PRDM10: variants seen among roughly 807,000 people sequenced by gnomAD.
PRDM10 encodes PR/SET domain 10, also known as PR domain zinc finger protein 10.
A neutral mutation model predicts 133.1 loss-of-function variants in PRDM10; 65 were observed. The ratio of observed to expected loss-of-function variants is 0.49; its 90% CI spans 0.40 to 0.60. The LOEUF (loss-of-function observed/expected upper bound fraction) is 0.60, where lower values mean the gene tolerates loss of function less well. PRDM10 is among the 20% of genes least tolerant of loss of function. PRDM10 has a pLI of 0.00. For missense variants in PRDM10, 1,137 were observed against 1,507.1 expected (o/e 0.75, Z 4.07); for synonymous variants, 582 against 580.4 (o/e 1.00, Z -0.04).
At chr11:129,959,925 C>CTTTTTT (rs112833018) in intron 2 of PRDM10, among the ~76,000 whole-genome samples, 1 of 138,322 alleles carries the variant, frequency 7.2e-6, no homozygotes. Context: ...GCTAATTTTT[C>CTTTTTT]TTTTTTTTTT....
At chr11:129,971,825 T>A (rs987134821) in intron 1 of PRDM10, among the ~76,000 whole-genome samples, 1 of 152,222 alleles carries the variant, frequency 6.6e-6, no homozygotes, top group Non-Finnish European at 1.5e-5. Context: ...TCCCGTGCCG[T>A]GCGCTCGCAT....
intron 14 of PRDM10, among the ~76,000 whole-genome samples, chr11:129,917,629 C>A (rs1950398321): frequency 6.6e-6 from 1 of 152,224 alleles, no homozygotes. Flanking sequence ...GAATGAGATA[C>A]AGACTAAGGT....
chr11:129,995,828 C>G (rs1484864490), intron 1 of PRDM10, among the ~76,000 whole-genome samples: 2 of 152,062 alleles, frequency 1.3e-5, no homozygotes, highest in Non-Finnish European at 2.9e-5. Flanking sequence ...CTCCTGTAAT[C>G]CCAGCTACTT....
At chr11:129,985,440 C>T (rs1938358022) in intron 1 of PRDM10, among the ~76,000 whole-genome samples, 1 of 151,974 alleles carries the variant, frequency 6.6e-6, no homozygotes, top group Non-Finnish European at 1.5e-5. Flanking sequence ...TCAGCTGCTC[C>T]CAAGCCACAC....
chr11:129,941,440 T>A lies in PRDM10; in HGVS notation c.966+986A>T, dbSNP rs114727112. ...AAGTCGGCACATAGGATCCTTTGAG[T>A]AAAACATTCATACAAAGAAAAAAAT... On this transcript the variant is annotated intron_variant, in intron 7 of 20. Coordinates refer to ENST00000360871, the MANE Select transcript of PRDM10 (RefSeq NM_199437.2). Among the ~76,000 whole-genome samples the A allele has an allele frequency of 8.6e-3, 1,311 of 152,276 alleles. 15 individuals are homozygous for A. Among genetic ancestry groups the A allele is most frequent in the African/African-American group, 0.03 (1,226 of 41,536 alleles).
chr11:129,973,588 C>T (rs1031182559), intron 1 of PRDM10, among the ~76,000 whole-genome samples: 2 of 152,020 alleles, frequency 1.3e-5, no homozygotes, highest in East Asian at 1.9e-4. Flanking sequence ...AAATAAATTA[C>T]GCTGAAATAA....
Position 129,941,104 on chromosome 11 carries a change from G to C in PRDM10, c.966+1322C>G, listed in dbSNP as rs767873730. ...TGATGGTTTCAAAAACAGAGGTTCT[G>C]CATACCTTTTGAACAAAATCCAGGA... On this transcript the variant is annotated intron_variant, in intron 7 of 20. Coordinates refer to ENST00000360871, the MANE Select transcript of PRDM10 (RefSeq NM_199437.2). Among the ~76,000 whole-genome samples the C allele has an allele frequency of 2.5e-4, 38 of 152,098 alleles. 1 individual carries two copies. Among genetic ancestry groups the C allele is most frequent in the Non-Finnish European group, 1.3e-4 (9 of 68,024 alleles).
chr11:129,912,595 CA>C lies in PRDM10; in HGVS notation c.2842-371del, dbSNP rs546651851. 4.4e-3 allele frequency among the ~76,000 whole-genome samples: 667 copies of C among 151,708 alleles called. 5 individuals carry two copies. The highest frequency in any genetic ancestry group is 0.015 in the African/African-American group (634 of 41,356). On this transcript the variant is annotated intron_variant, in intron 17 of 20. Transcript: ENST00000360871. ...TGAAACCCCGTCTCTACTGAAAATA[CA>C]AAAAAATTAGCTGGGTGTGGCGGCA...
At chr11:129,973,570 T>A (rs1289664305) in intron 1 of PRDM10, among the ~76,000 whole-genome samples, 1 of 152,220 alleles carries the variant, frequency 6.6e-6, no homozygotes, top group African/African-American at 2.4e-5. Flanking sequence ...TTACTCATAA[T>A]TAAATTGAAA....
Position 129,965,563 on chromosome 11 carries a change from G to T in PRDM10, c.-118-4481C>A, listed in dbSNP as rs77333419. On this transcript the variant is annotated intron_variant, in intron 1 of 20. Transcript: ENST00000360871. ...GCTATACCTTGTCTAGAAAACAGCA[G>T]CCATCTTCTGTCCTTTTCCCCCTGT... is the stretch of plus-strand genomic sequence containing the variant. Among the ~76,000 whole-genome samples the T allele has an allele frequency of 6.1e-3, 931 of 152,176 alleles. 9 individuals are homozygous for T. The highest frequency in any genetic ancestry group is 0.021 in the African/African-American group (865 of 41,546).
rs1950628486 is a variant in PRDM10 at position 129,924,884 on chromosome 11, G to A, written c.1876C>T (p.Gln626Ter). The A allele has an allele frequency of 6.3e-7, 1 of 1,595,058 alleles. No homozygotes were observed. Among genetic ancestry groups the A allele is most frequent in the African/African-American group, 1.3e-5 (1 of 74,376 alleles). ...GAATCTCAGTAGTAGACACTCACCT[G>A]GATAAAATCTGGGAACCGTTTCTTA... is the stretch of plus-strand genomic sequence containing the variant. Reference protein sequence around the residue: ...TCKKRFPDFIQVKKHVRSFHS... With the variant: ...TCKKRFPDFI The change falls in exon 12 of 21, where the codon CAG becomes TAG. Residue 626 changes from glutamine (Q) to a stop codon, truncating the protein, a stop_gained and splice_region_variant. Transcript: ENST00000360871. LOFTEE classifies it high-confidence loss of function.
intron 4 of PRDM10, among the ~76,000 whole-genome samples, chr11:129,954,423 T>C (rs979242848): frequency 7.9e-5 from 12 of 151,856 alleles, no homozygotes; most frequent in African/African-American, 2.9e-4. Context: ...CCACCATGCC[T>C]GGCTAAGTTT....
At chr11:129,951,890 A>T (rs1201642679) in intron 4 of PRDM10, among the ~76,000 whole-genome samples, 2 of 151,880 alleles carry the variant, frequency 1.3e-5, no homozygotes, top group African/African-American at 2.4e-5. Flanking sequence ...ACTAAAAACA[A>T]CTGAAAATAT....
intron 13 of PRDM10, among the ~76,000 whole-genome samples, chr11:129,922,255 T>A (rs1477473540): frequency 6.6e-6 from 1 of 152,244 alleles, no homozygotes; most frequent in Non-Finnish European, 1.5e-5. Flanking sequence ...ATATGGTATC[T>A]GGCACAAAAT....
Position 129,902,397 on chromosome 11 carries a change from G to A in PRDM10, c.3387C>T (p.Asn1129=), listed in dbSNP as rs148486615. 1.2e-5 allele frequency: 19 copies of A among 1,614,174 alleles called. No individual in the cohort carries two copies. The highest frequency in any genetic ancestry group is 3.3e-4 in the Middle Eastern group (2 of 6,062). ...AHSDSLDPQT[N]SQQQTTQYII... is the part of the protein sequence containing the mutation. ...TGTACTGTGTGGTCTGCTGTTGGCT[G>A]TTGGTCTGGGGGTCCAGGGAGTCAC... Residue 1129 remains asparagine, a synonymous_variant, in exon 21 of 21, where the codon AAC becomes AAT. Coordinates refer to ENST00000360871, the MANE Select transcript of PRDM10 (RefSeq NM_199437.2).
chr11:129,915,868 T>A lies in PRDM10; in HGVS notation c.2326-8A>T. ...GCTGGCACTTTTATAAACCTGCAAA[T>A]GTAAGCGCCTTGCCATGAAAGCAGT... On this transcript the variant is annotated splice_region_variant and splice_polypyrimidine_tract_variant and intron_variant, in intron 15 of 20. Transcript: ENST00000360871. 6.2e-7 allele frequency: 1 copy of A among 1,611,798 alleles called. No homozygotes were observed.
chr11:129,998,680 C>A (rs1939186765), intron 1 of PRDM10, among the ~76,000 whole-genome samples: 1 of 152,116 alleles, frequency 6.6e-6, no homozygotes, highest in Non-Finnish European at 1.5e-5. Context: ...GAAGAATCTA[C>A]CTTCAGGTGC....
At chr11:130,001,705 T>A (rs549264249) in intron 1 of PRDM10, among the ~76,000 whole-genome samples, 1 of 152,290 alleles carries the variant, frequency 6.6e-6, no homozygotes, top group East Asian at 1.9e-4. Flanking sequence ...TCCATTTTAC[T>A]TAGTAGAGTA....
intron 1 of PRDM10, among the ~76,000 whole-genome samples, chr11:129,974,070 G>C (rs1472807410): frequency 6.6e-6 from 1 of 152,188 alleles, no homozygotes; most frequent in African/African-American, 2.4e-5. Flanking sequence ...AGCTGACCTG[G>C]TACGAATTGC....
Sources: gnomAD v4.1 joint callset for allele counts (sites outside exome capture counted in the v4.1 genomes callset) on GRCh38, gnomAD v4.1.1 for gene constraint, MANE v1.5 for transcripts, NCBI Gene and HGNC (gene_info 2026-07-23, HGNC 2026-07-21) for gene names.